UNC13C: variants seen among roughly 807,000 people sequenced by gnomAD.
UNC13C encodes unc-13 homolog C.
UNC13C carries 174 observed loss-of-function variants against 245.4 expected under a neutral mutation model. The observed-to-expected ratio is 0.71, with a 90% CI of 0.63 to 0.80. The LOEUF is 0.80. Ranked by LOEUF, UNC13C falls within the 30% of genes least tolerant of loss-of-function variation. UNC13C has a pLI of 0.00. For synonymous variants in UNC13C, 992 were observed against 895.1 expected (o/e 1.11, Z -1.93); for missense variants, 2,829 against 2,602.9 (o/e 1.09, Z -1.89).
chr15:54,420,414 T>G (rs890079438), intron 19 of UNC13C, among the ~76,000 whole-genome samples: 21 of 151,864 alleles, frequency 1.4e-4, no homozygotes, highest in South Asian at 2.1e-4. Context: ...AGGCAGAAGC[T>G]GCCATCTTTA....
At chr15:54,081,247 G>A (rs1234617608) in intron 2 of UNC13C, among the ~76,000 whole-genome samples, 1 of 152,006 alleles carries the variant, frequency 6.6e-6, no homozygotes, top group Non-Finnish European at 1.5e-5. Context: ...ATGCACAGAT[G>A]ATAAAATGTA....
At chr15:54,127,347 C>T (rs1441093761) in intron 2 of UNC13C, among the ~76,000 whole-genome samples, 1 of 152,174 alleles carries the variant, frequency 6.6e-6, no homozygotes, top group African/African-American at 2.4e-5. Context: ...AAATGTGACA[C>T]ATATACACGA....
At chr15:54,449,418 G>T (rs1290557592) in intron 19 of UNC13C, among the ~76,000 whole-genome samples, 1 of 152,182 alleles carries the variant, frequency 6.6e-6, no homozygotes, top group Non-Finnish European at 1.5e-5. Context: ...ACACCAATCA[G>T]ATGTAGATTT....
the UNC13C span, among the ~76,000 whole-genome samples, chr15:53,915,001 G>A: frequency 1.6e-4 from 25 of 152,272 alleles, no homozygotes; most frequent in South Asian, 1.2e-3. Context: ...GAAGGGTGCC[G>A]GGGAATGTCA....
At chr15:54,610,510 C>A (rs1900029653) in intron 30 of UNC13C, among the ~76,000 whole-genome samples, 2 of 152,012 alleles carry the variant, frequency 1.3e-5, no homozygotes, top group Admixed American at 6.6e-5. Context: ...TCATATGTGT[C>A]TTTGTGTATT....
intron 4 of UNC13C, among the ~76,000 whole-genome samples, chr15:54,157,594 C>T (rs2032803805): frequency 1.3e-5 from 2 of 152,110 alleles, no homozygotes; most frequent in Non-Finnish European, 2.9e-5. Flanking sequence ...ATAAGCTGGC[C>T]ACTTTATGAG....
rs2038504383 is a variant in UNC13C at position 54,333,861 on chromosome 15, C to A, written c.4584+5C>A. 2 of 1,585,888 alleles carry A rather than the reference C, an allele frequency of 1.3e-6. No homozygotes were observed. Among genetic ancestry groups the A allele is most frequent in the South Asian group, 2.3e-5 (2 of 87,582 alleles). On this transcript the variant is annotated splice_donor_5th_base_variant and intron_variant, in intron 16 of 32. Transcript: ENST00000260323. ...ATCACCTTTTTTAGGATGAAGGTAT[C>A]TCATTTTATTTCTGTCACTGTTTTG...
At chr15:54,108,906 A>G (rs899322675) in intron 2 of UNC13C, among the ~76,000 whole-genome samples, 1 of 152,180 alleles carries the variant, frequency 6.6e-6, no homozygotes, top group Admixed American at 6.5e-5. Flanking sequence ...CATTCCTTGT[A>G]GTTGTTCCAT....
chr15:54,189,112 A>T (rs1375634780), intron 4 of UNC13C, among the ~76,000 whole-genome samples: 2 of 152,164 alleles, frequency 1.3e-5, no homozygotes, highest in Non-Finnish European at 2.9e-5. Flanking sequence ...AGCAAGGATA[A>T]CTCATTGCCT....
At chr15:54,113,583 T>C (rs2029985658) in intron 2 of UNC13C, among the ~76,000 whole-genome samples, 2 of 152,116 alleles carry the variant, frequency 1.3e-5, no homozygotes, top group Admixed American at 1.3e-4. Flanking sequence ...TCCCAGCACT[T>C]TGGGAGGCCG....
At chr15:54,117,178 C>T (rs941308134) in intron 2 of UNC13C, among the ~76,000 whole-genome samples, 2 of 151,914 alleles carry the variant, frequency 1.3e-5, no homozygotes, top group East Asian at 1.9e-4. Flanking sequence ...ATTATTAATT[C>T]CTGGTCAGAT....
rs138792734 is a variant in UNC13C at position 54,262,798 on chromosome 15, C to T, written c.3449-1370C>T. On this transcript the variant is annotated intron_variant, in intron 8 of 32. Transcript: ENST00000260323. ...TATCTTTTAGCTTCCTCTATTCACA[C>T]TCATTATTAGGAATATATTTTTCCA... 8.9e-3 allele frequency among the ~76,000 whole-genome samples: 1,355 copies of T among 152,122 alleles called. 24 individuals are homozygous for T. Among genetic ancestry groups the T allele is most frequent in the African/African-American group, 0.032 (1,312 of 41,504 alleles).
chr15:54,346,448 ATCT>A (rs1471264341), intron 17 of UNC13C, among the ~76,000 whole-genome samples: 3 of 152,118 alleles, frequency 2.0e-5, no homozygotes, highest in Admixed American at 6.5e-5. Context: ...TTTTCTTTGA[ATCT>A]TCTCCAGATA....
chr15:54,266,056 A>G (rs1410762546), intron 10 of UNC13C, among the ~76,000 whole-genome samples: 1 of 151,830 alleles, frequency 6.6e-6, no homozygotes, highest in African/African-American at 2.4e-5. Context: ...TTTTTTTAAC[A>G]CTCCTTTGTA....
At chr15:53,900,227 AG>A in the UNC13C span, among the ~76,000 whole-genome samples, 1 of 152,182 alleles carries the variant, frequency 6.6e-6, no homozygotes, top group Non-Finnish European at 1.5e-5. Flanking sequence ...TATAGTAAGC[AG>A]TTTATGTTAT....
chr15:54,469,622 C>A (rs1158327598), intron 19 of UNC13C, among the ~76,000 whole-genome samples: 1 of 151,542 alleles, frequency 6.6e-6, no homozygotes, highest in East Asian at 1.9e-4. Flanking sequence ...ATGCCTAATA[C>A]AATGCCAACA....
the UNC13C span, among the ~76,000 whole-genome samples, chr15:53,909,273 C>T: frequency 6.9e-6 from 1 of 145,856 alleles, no homozygotes; most frequent in Non-Finnish European, 1.5e-5. Context: ...CTGCACTGTG[C>T]TTTTTTTTAA....
chr15:54,403,749 A>G (rs2040236797), intron 18 of UNC13C, among the ~76,000 whole-genome samples: 1 of 150,488 alleles, frequency 6.6e-6, no homozygotes, highest in Non-Finnish European at 1.5e-5. Flanking sequence ...AGGCTTACAT[A>G]GATCCATTCA....
At chr15:53,859,176 G>C in the UNC13C span, among the ~76,000 whole-genome samples, 2 of 152,172 alleles carry the variant, frequency 1.3e-5, no homozygotes, top group African/African-American at 4.8e-5. Flanking sequence ...TGAAGTCTTT[G>C]TAATATTTTA....
Sources: allele counts gnomAD v4.1 joint callset (sites outside exome capture counted in the v4.1 genomes callset), GRCh38; gene constraint gnomAD v4.1.1; transcripts MANE v1.5; gene names NCBI Gene and HGNC (gene_info 2026-07-23, HGNC 2026-07-21).